Variants in RBFOX3 observed in about 807,000 individuals in gnomAD.
RBFOX3 encodes the protein RNA binding protein fox-1 homolog 3.
In RBFOX3, 17 loss-of-function variants were observed where a neutral mutation model predicts 48.7. That is an observed-to-expected ratio of 0.35 (90% CI 0.24 to 0.52). RBFOX3 has a LOEUF of 0.52. Ranked by LOEUF, RBFOX3 falls within the 20% of genes least tolerant of loss-of-function variation. The pLI, the probability that RBFOX3 is intolerant of heterozygous loss-of-function variation, is 0.94. For synonymous variants in RBFOX3, 212 were observed against 209.5 expected (o/e 1.01, Z -0.10); for missense variants, 382 against 497.5 (o/e 0.77, Z 2.21).
At chr17:79,340,431 T>A (rs1173229700) in intron 2 of RBFOX3, among the ~76,000 whole-genome samples, 1 of 152,220 alleles carries the variant, frequency 6.6e-6, no homozygotes, top group East Asian at 1.9e-4. Flanking sequence ...TTCTTCCCCA[T>A]GGGGCAGGGT....
intron 2 of RBFOX3, among the ~76,000 whole-genome samples, chr17:79,465,423 G>A (rs1335026846): frequency 3.9e-5 from 6 of 152,138 alleles, no homozygotes; most frequent in Non-Finnish European, 8.8e-5. Context: ...CCACGGGTCG[G>A]GGCTGCTTCC....
In RBFOX3 at chr17:79,362,616, A is replaced by C. The variant is rs2086595939; in HGVS notation, c.-174-54792T>G. On this transcript the variant is annotated intron_variant, in intron 2 of 14. Coordinates refer to ENST00000693108, the MANE Select transcript of RBFOX3 (RefSeq NM_001350451.2). The surrounding 1 kb of genome is among the most constrained non-coding windows in gnomAD (Gnocchi z 4.2). Reference sequence around the variant, plus strand: ...CCAGAGGCCTCTTTGCAAAGCTTGAATACCTGGCGCCCCAGGAAAATGAGA... The same window carrying C: ...CCAGAGGCCTCTTTGCAAAGCTTGACTACCTGGCGCCCCAGGAAAATGAGA... Among the ~76,000 whole-genome samples the C allele has an allele frequency of 1.3e-5, 2 of 152,196 alleles. No individual in the cohort carries two copies. The highest frequency in any genetic ancestry group is 4.1e-4 in the South Asian group (2 of 4,832).
the RBFOX3 span, among the ~76,000 whole-genome samples, chr17:79,636,633 A>G: frequency 6.6e-5 from 10 of 152,278 alleles, no homozygotes; most frequent in Middle Eastern, 3.4e-3. Context: ...GTTTTATGTA[A>G]GCCTCACTGT....
chr17:79,656,668 G>GAAAGGAAGAGAA, the RBFOX3 span, among the ~76,000 whole-genome samples: 607 of 90,748 alleles, frequency 6.7e-3, 10 homozygotes, highest in African/African-American at 0.033. Context: ...AGAGAAGAAA[G>GAAAGGAAGAGAA]GAAAGAAGGA....
intron 1 of RBFOX3, among the ~76,000 whole-genome samples, chr17:79,488,359 C>T (rs2079974137): frequency 4.9e-5 from 1 of 20,270 alleles, no homozygotes; most frequent in Admixed American, 1.0e-3. Flanking sequence ...TCACTACCCC[C>T]TCCCCGGGGC....
the RBFOX3 span, among the ~76,000 whole-genome samples, chr17:79,643,275 A>G: frequency 6.6e-6 from 1 of 152,214 alleles, no homozygotes; most frequent in Non-Finnish European, 1.5e-5. Context: ...ATAATTCGCA[A>G]GCATAAAGGG....
chr17:79,625,747 G>A, the RBFOX3 span, among the ~76,000 whole-genome samples: 4 of 152,176 alleles, frequency 2.6e-5, no homozygotes, highest in African/African-American at 9.7e-5. Flanking sequence ...AGCCGAAATC[G>A]AGCCATTGCA....
chr17:79,468,062 G>C (rs1232717311), intron 2 of RBFOX3, among the ~76,000 whole-genome samples: 1 of 152,066 alleles, frequency 6.6e-6, no homozygotes, highest in Non-Finnish European at 1.5e-5. Context: ...TGTTTGGTTC[G>C]CTGAGCCCTA....
At chr17:79,416,357 C>T (rs1203572104) in intron 2 of RBFOX3, among the ~76,000 whole-genome samples, 8 of 152,340 alleles carry the variant, frequency 5.3e-5, no homozygotes, top group East Asian at 1.9e-4. Context: ...CTCTGCCCAC[C>T]GCCAAGCCCA....
At chr17:79,185,203 G>C (rs1406035362) in intron 4 of RBFOX3, among the ~76,000 whole-genome samples, 1 of 152,244 alleles carries the variant, frequency 6.6e-6, no homozygotes, top group African/African-American at 2.4e-5. Flanking sequence ...TGGCCATCTA[G>C]CCGTGTGGTC....
At chr17:79,425,154 T>C (rs2148807234) in intron 2 of RBFOX3, among the ~76,000 whole-genome samples, 1 of 152,318 alleles carries the variant, frequency 6.6e-6, no homozygotes, top group South Asian at 2.1e-4. Context: ...CATGGGTTTC[T>C]GTCAGCTTCT....
Position 79,275,010 on chromosome 17 carries a change from C to A in RBFOX3, c.-74+32714G>T, listed in dbSNP as rs1247188727. On this transcript the variant is annotated intron_variant, in intron 3 of 14. Coordinates refer to ENST00000693108, the MANE Select transcript of RBFOX3 (RefSeq NM_001350451.2). ...CCGTCCCACCTCCATCATCCACCAGCCCCAGAGCTAGGAGCCAAACTGGTC... is the reference window on the plus strand; with the variant it reads ...CCGTCCCACCTCCATCATCCACCAGACCCAGAGCTAGGAGCCAAACTGGTC... Among the ~76,000 whole-genome samples the A allele has an allele frequency of 4.7e-5, 7 of 148,324 alleles. No individual in the cohort carries two copies. The South Asian group carries it at 6.6e-4, about 14-fold the overall frequency.
At chr17:79,324,635 G>A (rs750456035) in intron 2 of RBFOX3, among the ~76,000 whole-genome samples, 2 of 152,184 alleles carry the variant, frequency 1.3e-5, no homozygotes, top group African/African-American at 2.4e-5. Flanking sequence ...AAAGCCTCCC[G>A]GCCCCATTTG....
rs1868892991 is a variant in RBFOX3 at position 79,254,484 on chromosome 17, T to C, written c.-73-18679A>G. Among the ~76,000 whole-genome samples, 1 of 152,006 alleles carries C rather than the reference T, an allele frequency of 6.6e-6. No homozygotes were observed. The highest frequency in any genetic ancestry group is 2.1e-4 in the South Asian group (1 of 4,810). The stretch of plus-strand genomic sequence containing the variant: ...TTGCACACTGACCTCTGAACATAGA[T>C]GGAGGGAAGCCCTTGAGTTGCTAAG... On this transcript the variant is annotated intron_variant, in intron 3 of 14. Transcript: ENST00000693108. This position sits in a 1 kb window ranked among gnomAD's most constrained non-coding sequence, Gnocchi z 4.8.
Position 79,164,462 on chromosome 17 carries a change from C to T in RBFOX3, c.-33-48714G>A, listed in dbSNP as rs181716065. Among the ~76,000 whole-genome samples, 89 of 152,196 alleles carry T rather than the reference C, an allele frequency of 5.8e-4. No homozygotes were observed. The South Asian group carries it at 0.014, about 24-fold the overall frequency. ...AGGGGCTCTGCGGCCTGGTGAGAGA[C>T]GCTCCTGGGGGTGGGCGGCACTTCA... On this transcript the variant is annotated intron_variant, in intron 4 of 14. Transcript: ENST00000693108.
chr17:79,202,773 C>T (rs1194967674), intron 4 of RBFOX3, among the ~76,000 whole-genome samples: 1 of 152,274 alleles, frequency 6.6e-6, no homozygotes, highest in East Asian at 1.9e-4. Context: ...TCTTCTGTTA[C>T]TGCCACGTGG....
At chr17:79,651,161 C>T in the RBFOX3 span, among the ~76,000 whole-genome samples, 1 of 152,210 alleles carries the variant, frequency 6.6e-6, no homozygotes, top group Admixed American at 6.5e-5. Flanking sequence ...CCTTCCCTTC[C>T]AGGGTCCACG....
Position 79,122,872 on chromosome 17 carries a change from T to TA in RBFOX3, c.-33-7125dup, listed in dbSNP as rs529380538. On this transcript the variant is annotated intron_variant, in intron 4 of 14. Coordinates refer to ENST00000693108, the MANE Select transcript of RBFOX3 (RefSeq NM_001350451.2). The stretch of plus-strand genomic sequence containing the variant: ...TACACAATGGAGTACTATTGAGCCA[T>TA]AAAAAAAAAATGAGGGCCTGTCATT... 2.9e-3 allele frequency among the ~76,000 whole-genome samples: 426 copies of TA among 148,680 alleles called. 1 individual carries two copies. Among genetic ancestry groups the TA allele is most frequent in the Middle Eastern group, 7.0e-3 (2 of 286 alleles).
At chr17:79,442,748 C>T (rs1309908718) in intron 2 of RBFOX3, among the ~76,000 whole-genome samples, 1 of 149,904 alleles carries the variant, frequency 6.7e-6, no homozygotes, top group South Asian at 2.2e-4. Flanking sequence ...CAGGCAGAGC[C>T]GGAGGGGCAG....
Sources: gnomAD v4.1 joint callset for allele counts (sites outside exome capture counted in the v4.1 genomes callset) on GRCh38, gnomAD v4.1.1 for gene constraint, Gnocchi (gnomAD v3.1) non-coding constraint, MANE v1.5 for transcripts, NCBI Gene and HGNC (gene_info 2026-07-23, HGNC 2026-07-21) for gene names.